Variants in BRSK2 observed in about 807,000 individuals in gnomAD.
BRSK2 encodes the protein serine/threonine-protein kinase BRSK2.
A neutral mutation model predicts 83.3 loss-of-function variants in BRSK2; 19 were observed. That is an observed-to-expected ratio of 0.23 (90% confidence interval 0.16 to 0.33). The LOEUF is 0.33. Ranked by LOEUF, BRSK2 falls within the 10% of genes least tolerant of loss-of-function variation. The pLI, the probability that BRSK2 is intolerant of heterozygous loss-of-function variation, is 1.00. For synonymous variants in BRSK2, 519 were observed against 435.4 expected, an observed-to-expected ratio of 1.19 and a Z score of -2.39; for missense variants, 798 against 1,042.3, an observed-to-expected ratio of 0.77 and a Z score of 3.23.
intron 18 of BRSK2, chr11:1,457,148 G>C: frequency 8.8e-7 from 1 of 1,134,884 alleles, no homozygotes; most frequent in Non-Finnish European, 1.2e-6. Context: ...CCCACCCACA[G>C]GTCTCGGCCC....
chr11:1,433,780 G>A (rs558922501), intron 1 of BRSK2, among the ~76,000 whole-genome samples: 2 of 152,388 alleles, frequency 1.3e-5, no homozygotes, highest in South Asian at 2.1e-4. Flanking sequence ...TCAGGGAGAA[G>A]CAGCTCTTCC....
chr11:1,458,624 A>G (rs1846966962), intron 18 of BRSK2, among the ~76,000 whole-genome samples: 1 of 152,162 alleles, frequency 6.6e-6, no homozygotes, highest in East Asian at 1.9e-4. Context: ...CAGGCAGACC[A>G]GGGCGTGTGT....
At chr11:1,457,594 G>A (rs753502312) in intron 18 of BRSK2, among the ~76,000 whole-genome samples, 30 of 152,182 alleles carry the variant, frequency 2.0e-4, no homozygotes, top group Admixed American at 3.9e-4. Context: ...GCCTCTGAAC[G>A]CTGGTACGGC....
At chr11:1,422,370 A>G (rs892412754) in intron 1 of BRSK2, among the ~76,000 whole-genome samples, 1 of 151,528 alleles carries the variant, frequency 6.6e-6, no homozygotes, top group Non-Finnish European at 1.5e-5. Context: ...TGCTCTGGGG[A>G]GGGGTGGGGG....
At chr11:1,453,567 G>A (rs1280215414) in intron 15 of BRSK2, among the ~76,000 whole-genome samples, 2 of 152,158 alleles carry the variant, frequency 1.3e-5, no homozygotes, top group African/African-American at 4.8e-5. Flanking sequence ...CTGAGGAGGC[G>A]TCGAGGGGCT....
Position 1,438,266 on chromosome 11 carries a change from A to G in BRSK2, c.187-40A>G. ...GTCTGTGGGGAGCGATGCGTGCCCCAGCCCTGTGAGCGTGATGTTCTCTGG... is the reference window on the plus strand; with the variant it reads ...GTCTGTGGGGAGCGATGCGTGCCCCGGCCCTGTGAGCGTGATGTTCTCTGG... On this transcript the variant is annotated intron_variant, in intron 2 of 19. Coordinates refer to ENST00000528841, the MANE Select transcript of BRSK2 (RefSeq NM_001256627.2). This position sits in a 1 kb window ranked among gnomAD's most constrained non-coding sequence, Gnocchi z 6.4. 6.3e-7 allele frequency: 1 copy of G among 1,597,896 alleles called. No individual in the cohort carries two copies. The highest frequency in any genetic ancestry group is 1.1e-5 in the South Asian group (1 of 90,720).
chr11:1,392,071 C>T (rs931119224), intron 1 of BRSK2, among the ~76,000 whole-genome samples: 1 of 152,176 alleles, frequency 6.6e-6, no homozygotes, highest in Non-Finnish European at 1.5e-5. Context: ...ACGGGCAGAG[C>T]GCAAGCGTGT....
intron 18 of BRSK2, among the ~76,000 whole-genome samples, chr11:1,458,299 A>G (rs987037568): frequency 1.3e-5 from 2 of 152,084 alleles, no homozygotes; most frequent in African/African-American, 2.4e-5. Flanking sequence ...CCCTGGAGCC[A>G]ACTCCAAGCC....
intron 19 of BRSK2, among the ~76,000 whole-genome samples, chr11:1,460,040 T>TCCCAGCAG (rs1847215415): frequency 2.0e-5 from 3 of 148,306 alleles, no homozygotes; most frequent in African/African-American, 7.5e-5. Context: ...GTCTTTACGC[T>TCCCAGCAG]GTCATCTCCG....
At chr11:1,415,420 G>A (rs1425160486) in intron 1 of BRSK2, among the ~76,000 whole-genome samples, 2 of 151,990 alleles carry the variant, frequency 1.3e-5, no homozygotes, top group African/African-American at 4.8e-5. Context: ...AAAAAAATTA[G>A]TTCATTTATT....
In BRSK2 at chr11:1,390,339, T is replaced by A; in HGVS notation, c.55T>A (p.Tyr19Asn). The change falls in exon 1 of 20, where the codon TAC becomes AAC. Residue 19 changes from tyrosine to asparagine, a missense_variant. Tyr to Asn is a moderately radical substitution (Grantham distance 143). Around this residue, in one of 6 missense-constraint regions of BRSK2, gnomAD observed 33 missense variants for 30.8 expected, o/e 1.07. Coordinates refer to ENST00000528841, the MANE Select transcript of BRSK2 (RefSeq NM_001256627.2). The surrounding 1 kb of genome is among the most constrained non-coding windows in gnomAD (Gnocchi z 6.8). ...GCAGCACGCGCAGTATGTTGGGCCC[T>A]ACCGGCTGGAGAAGACGCTGGGCAA... ...GAQHAQYVGP[Y>N]RLEKTLGKGQ... The A allele has an allele frequency of 9.6e-7, 1 of 1,042,086 alleles. No homozygotes were observed. The highest frequency in any genetic ancestry group is 4.3e-5 in the South Asian group (1 of 23,398). The allele number at this position is 1,042,086 out of a possible 1,614,324, so 64.6% of individuals were successfully genotyped here. A position where few individuals can be genotyped will look rare whatever the true frequency, so the allele number is the denominator to read the frequency against.
intron 12 of BRSK2, chr11:1,447,725 C>T (rs1045746349): frequency 9.7e-6 from 14 of 1,436,966 alleles, no homozygotes; most frequent in East Asian, 9.7e-5. Context: ...CGGTGTGGCC[C>T]GGGCCCTGGG....
intron 1 of BRSK2, chr11:1,410,892 C>T: frequency 1.0e-6 from 1 of 986,530 alleles, no homozygotes; most frequent in Non-Finnish European, 1.2e-6. Flanking sequence ...CTTCGACGGC[C>T]CTTTTGTGCA....
chr11:1,448,871 G>A (rs1463965449), intron 12 of BRSK2, among the ~76,000 whole-genome samples: 2 of 152,242 alleles, frequency 1.3e-5, no homozygotes, highest in African/African-American at 4.8e-5. Flanking sequence ...CACTCTCCAC[G>A]GTCCGGGGCC....
chr11:1,399,165 C>A (rs1846308921), intron 1 of BRSK2, among the ~76,000 whole-genome samples: 1 of 152,186 alleles, frequency 6.6e-6, no homozygotes, highest in Admixed American at 6.5e-5. Flanking sequence ...CCAGGACGTT[C>A]CTGTGCTGTC....
At chr11:1,460,471 T>C (rs1847321650) in intron 19 of BRSK2, 29 bp from the exon 20 acceptor site, 2 of 1,285,328 alleles carry the variant, frequency 1.6e-6, no homozygotes, top group Non-Finnish European at 9.9e-7. Flanking sequence ...CTTTTTTTTT[T>C]TTTTTTTGTC....
chr11:1,443,485 G>T lies in BRSK2; in HGVS notation c.634-4G>T. The T allele has an allele frequency of 6.3e-7, 1 of 1,585,680 alleles. No individual in the cohort carries two copies. The highest frequency in any genetic ancestry group is 8.6e-7 in the Non-Finnish European group (1 of 1,164,456). On this transcript the variant is annotated splice_region_variant and splice_polypyrimidine_tract_variant and intron_variant, in intron 7 of 19. Coordinates refer to ENST00000528841, the MANE Select transcript of BRSK2 (RefSeq NM_001256627.2). ...CGCTGACCCCCACACCCGGCCGCCCGCAGGGGGCTCTGCCCTTCGACGATG... is the reference window on the plus strand; with the variant it reads ...CGCTGACCCCCACACCCGGCCGCCCTCAGGGGGCTCTGCCCTTCGACGATG...
At chr11:1,396,200 C>T (rs1000201312) in intron 1 of BRSK2, among the ~76,000 whole-genome samples, 1 of 112,306 alleles carries the variant, frequency 8.9e-6, no homozygotes, top group Non-Finnish European at 1.9e-5. Flanking sequence ...TCCCTTCCAC[C>T]CACGTCCCCC....
intron 1 of BRSK2, among the ~76,000 whole-genome samples, chr11:1,392,634 C>T (rs762461928): frequency 3.1e-4 from 47 of 152,232 alleles, no homozygotes; most frequent in Middle Eastern, 3.4e-3. Flanking sequence ...AGATGTGGTC[C>T]GAAACCTGCC....
Sources: allele counts gnomAD v4.1 joint callset (sites outside exome capture counted in the v4.1 genomes callset), GRCh38; gene constraint gnomAD v4.1.1; regional missense constraint gnomAD v4.1.1; non-coding constraint Gnocchi (gnomAD v3.1); transcripts MANE v1.5; gene names NCBI Gene and HGNC (gene_info 2026-07-23, HGNC 2026-07-21).